The following ST6GAL1 variants were observed in gnomAD, a reference collection of about 807,000 sequenced individuals.
ST6GAL1 encodes ST6 beta-galactoside alpha-2,6-sialyltransferase 1.
Under a neutral mutation model 38.0 loss-of-function variants are expected in ST6GAL1, and 20 were observed. The ratio of observed to expected loss-of-function variants is 0.53; its 90% CI spans 0.37 to 0.77. The LOEUF is 0.77. ST6GAL1 is among the 30% of genes least tolerant of loss of function. The pLI is 0.00. For synonymous variants in ST6GAL1, 196 were observed against 188.2 expected (o/e 1.04, Z -0.34); for missense variants, 432 against 496.4 (o/e 0.87, Z 1.23).
At chr3:187,062,312 CTAA>C (rs1718944659) in intron 5 of ST6GAL1, among the ~76,000 whole-genome samples, 1 of 152,030 alleles carries the variant, frequency 6.6e-6, no homozygotes. Context: ...ACCGTGTAAT[CTAA>C]TAATCTTATT....
chr3:187,017,742 C>T (rs1717163828), intron 2 of ST6GAL1, among the ~76,000 whole-genome samples: 1 of 152,190 alleles, frequency 6.6e-6, no homozygotes, highest in African/African-American at 2.4e-5. Context: ...CAGACTTCCT[C>T]CTGCCCAGAT....
chr3:186,981,842 G>A (rs1345199410), intron 2 of ST6GAL1, among the ~76,000 whole-genome samples: 1 of 152,138 alleles, frequency 6.6e-6, no homozygotes, highest in Admixed American at 6.5e-5. Flanking sequence ...AAAGCTGAAG[G>A]AAACCCTCTG....
chr3:187,001,023 G>A (rs1190234602), intron 2 of ST6GAL1, among the ~76,000 whole-genome samples: 2 of 152,206 alleles, frequency 1.3e-5, no homozygotes, highest in African/African-American at 4.8e-5. Flanking sequence ...TGGCAGAAAG[G>A]TGCCTTCCTC....
At chr3:186,962,971 A>G (rs1714981566) in intron 1 of ST6GAL1, among the ~76,000 whole-genome samples, 1 of 152,214 alleles carries the variant, frequency 6.6e-6, no homozygotes, top group Non-Finnish European at 1.5e-5. Context: ...AATCTGAAAA[A>G]TAAAAACAAG....
chr3:186,953,312 C>T (rs1190543260), intron 1 of ST6GAL1, among the ~76,000 whole-genome samples: 1 of 152,202 alleles, frequency 6.6e-6, no homozygotes, highest in African/African-American at 2.4e-5. Flanking sequence ...TCCACCGCTT[C>T]ATTCTGCTTC....
At chr3:186,978,545 A>T (rs1276586054) in intron 2 of ST6GAL1, among the ~76,000 whole-genome samples, 1 of 152,228 alleles carries the variant, frequency 6.6e-6, no homozygotes, top group Non-Finnish European at 1.5e-5. Context: ...AGGCCAGACC[A>T]GGAGCCAGAA....
At chr3:187,024,283 C>T (rs905820332) in intron 2 of ST6GAL1, among the ~76,000 whole-genome samples, 60 of 151,318 alleles carry the variant, frequency 4.0e-4, no homozygotes, top group Non-Finnish European at 6.2e-4. Flanking sequence ...TTAGTAGAGA[C>T]GGGGGTTTCA....
chr3:187,068,068 T>C (rs1460933039), intron 5 of ST6GAL1, among the ~76,000 whole-genome samples: 1 of 150,978 alleles, frequency 6.6e-6, no homozygotes, highest in African/African-American at 2.4e-5. Flanking sequence ...CTGGGCCGGG[T>C]GTGGTGGCTC....
chr3:187,006,574 T>G (rs559724842), intron 2 of ST6GAL1: 31 of 152,338 alleles, frequency 2.0e-4, no homozygotes, highest in African/African-American at 7.5e-4. Context: ...AACTATTAAC[T>G]CACTTAATCT....
chr3:187,072,775 A>G (rs1719430804), intron 5 of ST6GAL1, 74 bp from the exon 6 acceptor site: 1 of 1,296,396 alleles, frequency 7.7e-7, no homozygotes, highest in African/African-American at 1.5e-5. Flanking sequence ...ACCTTGTGCT[A>G]TGTCAGCTAT....
Position 187,077,268 on chromosome 3 carries a change from C to T in ST6GAL1, c.*1465C>T, listed in dbSNP as rs1322885951. ...CAGACATGCTCTCCAGATGGTTTTA[C>T]TAAGTCCCCTCTCCCTGATAGGGAA... On this transcript the variant is annotated 3_prime_UTR_variant, in exon 8 of 8. Transcript: ENST00000169298. 3.4e-6 allele frequency: 1 copy of T among 296,350 alleles called. No homozygotes were observed. Among genetic ancestry groups the T allele is most frequent in the African/African-American group, 2.2e-5 (1 of 46,170 alleles). The allele number at this position is 296,350 out of a possible 1,614,324, so 18.4% of individuals were successfully genotyped here. A position where few individuals can be genotyped will look rare whatever the true frequency, so the allele number is the denominator to read the frequency against.
intron 1 of ST6GAL1, among the ~76,000 whole-genome samples, chr3:186,934,831 A>C (rs1157618843): frequency 2.0e-5 from 3 of 151,538 alleles, no homozygotes; most frequent in Non-Finnish European, 2.9e-5. Flanking sequence ...CAGTGGTGCA[A>C]TCTCGGCTCA....
intron 1 of ST6GAL1, among the ~76,000 whole-genome samples, chr3:186,937,719 C>T (rs755985644): frequency 6.6e-6 from 1 of 152,094 alleles, no homozygotes; most frequent in Non-Finnish European, 1.5e-5. Flanking sequence ...CTGCATGAGG[C>T]CACACTGGAC....
At chr3:186,958,259 A>G (rs1714811416) in intron 1 of ST6GAL1, among the ~76,000 whole-genome samples, 1 of 152,196 alleles carries the variant, frequency 6.6e-6, no homozygotes, top group African/African-American at 2.4e-5. Context: ...TGGCTCAGCT[A>G]TGAATAATAA....
intron 3 of ST6GAL1, among the ~76,000 whole-genome samples, chr3:187,039,598 C>T (rs1389424870): frequency 6.6e-6 from 1 of 152,156 alleles, no homozygotes; most frequent in East Asian, 1.9e-4. Context: ...AGTGCAGACA[C>T]CTGGAGGCTT....
intron 1 of ST6GAL1, among the ~76,000 whole-genome samples, chr3:186,955,797 G>A (rs1329336371): frequency 6.6e-6 from 1 of 152,010 alleles, no homozygotes; most frequent in African/African-American, 2.4e-5. Flanking sequence ...CACCATGCCC[G>A]GCCTGTGTCC....
At position 187,042,698 on chromosome 3, in the gene ST6GAL1, T is replaced by G; in HGVS notation, c.-6T>G. 6.2e-7 allele frequency: 1 copy of G among 1,600,338 alleles called. No homozygotes were observed. The highest frequency in any genetic ancestry group is 8.5e-7 in the Non-Finnish European group (1 of 1,174,116). ...ACAAAGTGACTTCCCTGAACACATC[T>G]TCATTATGATTCACACCAACCTGAA... On this transcript the variant is annotated 5_prime_UTR_variant, in exon 4 of 8. Coordinates refer to ENST00000169298, the MANE Select transcript of ST6GAL1 (RefSeq NM_173216.2).
chr3:187,029,940 A>T (rs1717678885), intron 2 of ST6GAL1, among the ~76,000 whole-genome samples: 1 of 152,180 alleles, frequency 6.6e-6, no homozygotes, highest in South Asian at 2.1e-4. Context: ...TAGGCTGCAT[A>T]TAGACAGGAG....
intron 4 of ST6GAL1, among the ~76,000 whole-genome samples, chr3:187,045,409 T>C (rs768756222): frequency 2.9e-4 from 44 of 152,208 alleles, no homozygotes; most frequent in Non-Finnish European, 4.7e-4. Context: ...TTATTTTTGA[T>C]AGTTTACTCA....
Sources: gnomAD v4.1 joint callset for allele counts (sites outside exome capture counted in the v4.1 genomes callset) on GRCh38, gnomAD v4.1.1 for gene constraint, MANE v1.5 for transcripts, NCBI Gene and HGNC (gene_info 2026-07-23, HGNC 2026-07-21) for gene names.